IDUA: variants seen among roughly 807,000 people sequenced by gnomAD.
IDUA encodes alpha-L-iduronidase.
Under a neutral mutation model 68.9 loss-of-function variants are expected in IDUA, and 65 were observed. That is an observed-to-expected ratio of 0.94 (90% CI 0.77 to 1.16). The LOEUF is 1.16. Among genes scored for constraint, IDUA ranks in the 50% most tolerant of loss-of-function variants. The pLI, the probability that IDUA is intolerant of heterozygous loss-of-function variation, is 0.00. For synonymous variants in IDUA, 529 were observed against 433.6 expected (o/e 1.22, Z -2.73); for missense variants, 1,046 against 938.0 (o/e 1.12, Z -1.50).
intron 2 of IDUA, chr4:990,770 C>A (rs753464397): frequency 2.8e-5 from 11 of 386,388 alleles, no homozygotes; most frequent in Non-Finnish European, 5.1e-5. Context: ...AGGCAGGAGA[C>A]CTTCGGGGGT....
intron 2 of IDUA, among the ~76,000 whole-genome samples, chr4:999,204 CAAAAAAA>C (rs56098003): frequency 3.1e-5 from 4 of 128,690 alleles, no homozygotes; most frequent in East Asian, 2.2e-4. Context: ...GACTCTGTCT[CAAAAAAA>C]AAAAAAAGAA....
rs752306267 is a variant in IDUA at position 1,000,955 on chromosome 4, G to A, written c.459G>A (p.Lys153=). 1.2e-6 allele frequency: 2 copies of A among 1,613,354 alleles called. 1 individual carries two copies. Among genetic ancestry groups the A allele is most frequent in the South Asian group, 2.2e-5 (2 of 91,082 alleles). ...ACAAGCAGCAGGTGTTTGAGTGGAA[G>A]GACTTGGTCTCCAGCCTGGCCAGGA... is the stretch of plus-strand genomic sequence containing the variant. ...FEDKQQVFEW[K]DLVSSLARRY... is the part of the protein sequence containing the mutation. The change falls in exon 4 of 14, where the codon AAG becomes AAA. Residue 153 remains lysine (K), a synonymous_variant. Transcript: ENST00000514224.
In IDUA at chr4:1,000,645, C is replaced by T; in HGVS notation, c.333C>T (p.Phe111=). ...GSTGRGLSYN[F]THLDGYLDLL... ...CTGGACGGGGCCTGAGCTACAACTT[C>T]ACCCACCTGGACGGGTACCTGGACC... The change falls in exon 3 of 14, where the codon TTC becomes TTT. Residue 111 remains phenylalanine, a synonymous_variant. Coordinates refer to ENST00000514224, the MANE Select transcript of IDUA (RefSeq NM_000203.5). 1 of 1,612,786 alleles carries T rather than the reference C, an allele frequency of 6.2e-7. No homozygotes were observed. Among genetic ancestry groups the T allele is most frequent in the Non-Finnish European group, 8.5e-7 (1 of 1,179,918 alleles).
intron 2 of IDUA, chr4:988,420 G>A (rs1024485682): frequency 2.4e-5 from 26 of 1,066,900 alleles, no homozygotes; most frequent in Admixed American, 2.0e-4. Context: ...GGCCAGAGCC[G>A]CTGGCTCCTA....
At position 991,210 on chromosome 4, in the gene IDUA, G is replaced by A. The variant is rs868000224; in HGVS notation, c.299+3261G>A. ...ACGCCCGCAGTCCAGCATGGCAGCC[G>A]AGCCGTTGAGGGTGCTGCTGTTGGC... is the stretch of plus-strand genomic sequence containing the variant. On this transcript the variant is annotated intron_variant, in intron 2 of 13. Coordinates refer to ENST00000514224, the MANE Select transcript of IDUA (RefSeq NM_000203.5). The A allele has an allele frequency of 2.9e-5, 46 of 1,606,372 alleles. No homozygotes were observed. Among genetic ancestry groups the A allele is most frequent in the African/African-American group, 5.3e-5 (4 of 74,868 alleles).
intron 4 of IDUA, 60 bp from the exon 5 acceptor site, chr4:1,001,408 C>T (rs1371183148): frequency 1.9e-5 from 26 of 1,380,548 alleles, no homozygotes; most frequent in Admixed American, 3.4e-5. Flanking sequence ...ACCCTCCCTC[C>T]GTGGGAGTCA....
At chr4:1,003,002 CGGG>C in intron 9 of IDUA, 31 bp from the exon 10 acceptor site, 1 of 1,433,856 alleles carries the variant, frequency 7.0e-7, no homozygotes, top group Non-Finnish European at 9.1e-7. Context: ...GGGGGCGGCC[CGGG>C]GAGCCGAGGC....
Position 1,004,556 on chromosome 4 carries a change from C to A in IDUA, c.*163C>A. ...CAACGCCCCCTTTAAAGCGGCTTTGCACAGGTCAGTCTCGGGTTGAGGCTC... is the reference window on the plus strand; with the variant it reads ...CAACGCCCCCTTTAAAGCGGCTTTGAACAGGTCAGTCTCGGGTTGAGGCTC... On this transcript the variant is annotated 3_prime_UTR_variant, in exon 14 of 14. Transcript: ENST00000514224. The surrounding 1 kb of genome is among the most constrained non-coding windows in gnomAD (Gnocchi z 5.0). The A allele has an allele frequency of 2.8e-6, 2 of 711,652 alleles. No individual in the cohort carries two copies. The highest frequency in any genetic ancestry group is 4.5e-6 in the Non-Finnish European group (2 of 447,436). The allele number at this position is 711,652 out of a possible 1,614,324, so 44.1% of individuals were successfully genotyped here.
At chr4:989,307 C>G in intron 2 of IDUA, 1 of 1,611,302 alleles carries the variant, frequency 6.2e-7, no homozygotes, top group Non-Finnish European at 8.5e-7. Context: ...AGTACAGCGG[C>G]CCCCCAAAGC....
chr4:993,601 GC>G (rs1474211959), intron 2 of IDUA, among the ~76,000 whole-genome samples: 3 of 152,212 alleles, frequency 2.0e-5, no homozygotes, highest in African/African-American at 7.2e-5. Flanking sequence ...CCTCCCAGGA[GC>G]CGCTGCAGCT....
intron 2 of IDUA, chr4:990,260 G>A (rs1186447595): frequency 6.3e-7 from 1 of 1,592,378 alleles, no homozygotes; most frequent in Non-Finnish European, 8.5e-7. Context: ...TGTTTGAGCT[G>A]CGAGGTCAGG....
chr4:988,058 GAA>G, intron 2 of IDUA, 109 bp downstream of exon 2: 1 of 1,474,256 alleles, frequency 6.8e-7, no homozygotes, highest in South Asian at 1.3e-5. Context: ...ACCTCCCGCC[GAA>G]GCACCCTGTT....
At chr4:997,342 ACCCCCAC>A (rs1191101325) in intron 2 of IDUA, among the ~76,000 whole-genome samples, 1 of 11,808 alleles carries the variant, frequency 8.5e-5, no homozygotes, top group Non-Finnish European at 1.8e-4. Context: ...CCGCACTCCC[ACCCCCAC>A]CCTCAGGAGA....
At chr4:1,003,223 G>A in intron 10 of IDUA, 66 bp downstream of exon 10, 1 of 1,276,914 alleles carries the variant, frequency 7.8e-7, no homozygotes. Flanking sequence ...GGGGTCCGGG[G>A]CGGGGGCTCC....
intron 2 of IDUA, chr4:991,544 G>T: frequency 6.2e-7 from 1 of 1,605,506 alleles, no homozygotes; most frequent in Non-Finnish European, 8.5e-7. Flanking sequence ...GTGGCGGGGA[G>T]CAGGTCCTGC....
In IDUA at chr4:1,003,027, G is replaced by T. The variant is rs899366602; in HGVS notation, c.1403-9G>T. ...CGGGGAGCCGAGGCCTGAGTGTCAG[G>T]CCCCGCAGGCCTGGTCTACGTCACG... On this transcript the variant is annotated splice_polypyrimidine_tract_variant and intron_variant, in intron 9 of 13. Coordinates refer to ENST00000514224, the MANE Select transcript of IDUA (RefSeq NM_000203.5). 3.4e-6 allele frequency: 5 copies of T among 1,480,502 alleles called. No homozygotes were observed. The highest frequency in any genetic ancestry group is 4.5e-6 in the Non-Finnish European group (5 of 1,122,434). 91.7% of individuals were successfully genotyped at this position (1,480,502 alleles called of 1,614,324 possible).
intron 12 of IDUA, 83 bp downstream of exon 12, chr4:1,003,708 G>A: frequency 6.7e-7 from 1 of 1,492,042 alleles, no homozygotes; most frequent in Non-Finnish European, 9.3e-7. Flanking sequence ...GCGGTCACTC[G>A]GGCCACTTGC....
At chr4:997,596 A>G (rs1714818861) in intron 2 of IDUA, among the ~76,000 whole-genome samples, 1 of 151,844 alleles carries the variant, frequency 6.6e-6, no homozygotes, top group South Asian at 2.1e-4. Flanking sequence ...CGCGGGGTCT[A>G]CAAGGGCTGA....
At position 1,004,078 on chromosome 4, in the gene IDUA, G is replaced by A. The variant is rs770035538; in HGVS notation, c.1794G>A (p.Lys598=). The A allele has an allele frequency of 6.2e-7, 1 of 1,612,838 alleles. No individual in the cohort carries two copies. The highest frequency in any genetic ancestry group is 2.2e-5 in the East Asian group (1 of 44,852). ...AGGCGTACACCCCGGTCAGCAGGAA[G>A]CCATCGACCTTCAACCTCTTTGTGT... ...DGKAYTPVSR[K]PSTFNLFVFS... is the part of the protein sequence containing the mutation. The change falls in exon 13 of 14, where the codon AAG becomes AAA. Residue 598 remains lysine, a synonymous_variant. Coordinates refer to ENST00000514224, the MANE Select transcript of IDUA (RefSeq NM_000203.5). This position sits in a 1 kb window ranked among gnomAD's most constrained non-coding sequence, Gnocchi z 5.0.
Sources: allele counts gnomAD v4.1 joint callset (sites outside exome capture counted in the v4.1 genomes callset), GRCh38; gene constraint gnomAD v4.1.1; non-coding constraint Gnocchi (gnomAD v3.1); transcripts MANE v1.5; gene names NCBI Gene and HGNC (gene_info 2026-07-23, HGNC 2026-07-21).